TAFA1: variants seen among roughly 807,000 people sequenced by gnomAD.
TAFA1 encodes the protein TAFA chemokine like family member 1, also known as chemokine-like protein TAFA-1.
A neutral mutation model predicts 18.5 loss-of-function variants in TAFA1; 4 were observed. The observed-to-expected ratio is 0.22, with a 90% CI of 0.11 to 0.49. The LOEUF (loss-of-function observed/expected upper bound fraction) is 0.49, where lower values mean the gene tolerates loss of function less well. Among genes scored for constraint, TAFA1 ranks in the 20% least tolerant of loss-of-function variants. TAFA1 has a pLI of 0.98. For synonymous variants in TAFA1, 56 were observed against 55.2 expected, an observed-to-expected ratio of 1.01 and a Z score of -0.06; for missense variants, 147 against 169.0, an observed-to-expected ratio of 0.87 and a Z score of 0.72.
intron 2 of TAFA1, among the ~76,000 whole-genome samples, chr3:68,280,249 G>A (rs575456019): frequency 2.0e-4 from 30 of 152,240 alleles, no homozygotes; most frequent in African/African-American, 7.0e-4. Context: ...ACTGATACTG[G>A]ACTGAGACTA....
intron 3 of TAFA1, among the ~76,000 whole-genome samples, chr3:68,473,053 A>G (rs996326543): frequency 2.0e-5 from 3 of 152,208 alleles, no homozygotes; most frequent in African/African-American, 4.8e-5. Context: ...GGAGTCAATG[A>G]TCCCAGCTGC....
chr3:68,237,231 A>C (rs543349469), intron 2 of TAFA1, among the ~76,000 whole-genome samples: 1 of 152,252 alleles, frequency 6.6e-6, no homozygotes, highest in East Asian at 1.9e-4. Context: ...GTGTCTTCTC[A>C]ATGTGATCTC....
intron 2 of TAFA1, among the ~76,000 whole-genome samples, chr3:68,205,060 A>G (rs568737863): frequency 3.3e-5 from 5 of 151,986 alleles, no homozygotes; most frequent in African/African-American, 4.8e-5. Context: ...GGAATTCCAT[A>G]ACCCAGGTAA....
At chr3:68,298,496 G>A (rs2068250543) in intron 2 of TAFA1, among the ~76,000 whole-genome samples, 2 of 152,126 alleles carry the variant, frequency 1.3e-5, no homozygotes, top group Non-Finnish European at 2.9e-5. Context: ...ATCCATAAAA[G>A]GAGGGACAAA....
intron 2 of TAFA1, among the ~76,000 whole-genome samples, chr3:68,169,078 G>A (rs941363330): frequency 1.3e-5 from 2 of 151,996 alleles, no homozygotes; most frequent in Non-Finnish European, 2.9e-5. Flanking sequence ...TTAGCCTCCA[G>A]GATGTTCCCA....
intron 2 of TAFA1, among the ~76,000 whole-genome samples, chr3:68,118,950 A>G (rs1188766977): frequency 4.6e-5 from 7 of 152,070 alleles, no homozygotes; most frequent in Non-Finnish European, 8.8e-5. Flanking sequence ...GAATCACCAT[A>G]TTGTTTTCCA....
At chr3:68,479,241 A>AAAAAAAAATATATATAT (rs1353493315) in intron 3 of TAFA1, among the ~76,000 whole-genome samples, 1 of 123,666 alleles carries the variant, frequency 8.1e-6, no homozygotes, top group African/African-American at 3.6e-5. Context: ...AAAAAAAAAA[A>AAAAAAAAATATATATAT]ATATATATAT....
intron 2 of TAFA1, among the ~76,000 whole-genome samples, chr3:68,338,531 A>G (rs1243911262): frequency 1.3e-5 from 2 of 152,080 alleles, no homozygotes; most frequent in Admixed American, 6.5e-5. Context: ...ACCCTTTATA[A>G]TGAAGCATTT....
chr3:68,499,165 T>C (rs986949368), intron 3 of TAFA1, among the ~76,000 whole-genome samples: 1 of 152,178 alleles, frequency 6.6e-6, no homozygotes. Context: ...AGAATTTTCA[T>C]TTATACTAAA....
At chr3:68,028,069 G>A (rs1704853640) in intron 2 of TAFA1, among the ~76,000 whole-genome samples, 1 of 152,140 alleles carries the variant, frequency 6.6e-6, no homozygotes, top group Non-Finnish European at 1.5e-5. Context: ...GGAGGCTGAG[G>A]CGGGTGGACC....
Position 68,155,947 on chromosome 3 carries a change from A to T in TAFA1, c.118+149203A>T, listed in dbSNP as rs900309273. 2.0e-5 allele frequency among the ~76,000 whole-genome samples: 3 copies of T among 152,130 alleles called. No individual in the cohort carries two copies. The South Asian group carries it at 6.2e-4, about 31-fold the overall frequency. On this transcript the variant is annotated intron_variant, in intron 2 of 4. Coordinates refer to ENST00000478136, the MANE Select transcript of TAFA1 (RefSeq NM_213609.4). ...GCATAGCACCTGGCAGCAGTCAGGA[A>T]CACAACAGCGGTTGCAGGCAGGTGG...
chr3:68,418,465 A>G (rs62245814), intron 3 of TAFA1, among the ~76,000 whole-genome samples: 1 of 51,924 alleles, frequency 1.9e-5, no homozygotes, highest in African/African-American at 6.5e-5. Context: ...GTGGAATATC[A>G]TCAGTTAAGG....
At chr3:68,153,869 T>C (rs1465372564) in intron 2 of TAFA1, among the ~76,000 whole-genome samples, 1 of 152,174 alleles carries the variant, frequency 6.6e-6, no homozygotes, top group African/African-American at 2.4e-5. Flanking sequence ...TCAGTTTTTA[T>C]AATAAGAAAG....
chr3:68,305,663 G>A (rs566765261), intron 2 of TAFA1, among the ~76,000 whole-genome samples: 1 of 151,632 alleles, frequency 6.6e-6, no homozygotes, highest in South Asian at 2.1e-4. Flanking sequence ...GTGGGGTGGG[G>A]GTCAGGGGAT....
chr3:68,497,845 C>A (rs951173366), intron 3 of TAFA1, among the ~76,000 whole-genome samples: 8 of 152,046 alleles, frequency 5.3e-5, no homozygotes, highest in Admixed American at 5.2e-4. Context: ...TAGCTGTAGC[C>A]CAGGTGGAAG....
intron 2 of TAFA1, among the ~76,000 whole-genome samples, chr3:68,167,405 C>T (rs2065994709): frequency 6.6e-6 from 1 of 151,652 alleles, no homozygotes; most frequent in Non-Finnish European, 1.5e-5. Context: ...GTGAAACCCC[C>T]GTCTCTACTA....
intron 2 of TAFA1, among the ~76,000 whole-genome samples, chr3:68,361,336 G>A (rs2069464040): frequency 6.6e-6 from 1 of 152,042 alleles, no homozygotes; most frequent in Admixed American, 6.6e-5. Flanking sequence ...ATCAGAGGCT[G>A]AGAAAGGTGT....
At chr3:68,145,730 G>A (rs2065731359) in intron 2 of TAFA1, 2 of 677,928 alleles carry the variant, frequency 3.0e-6, no homozygotes, top group South Asian at 1.6e-5. Flanking sequence ...GATGGCTTAA[G>A]CACCTCAGCA....
intron 3 of TAFA1, among the ~76,000 whole-genome samples, chr3:68,454,120 G>A (rs1510352): frequency 0.73 from 111,091 of 152,126 alleles, 40,774 homozygotes; most frequent in African/African-American, 0.81. Flanking sequence ...ACTTCACAAT[G>A]TGAGAACCTA....
Sources: allele counts gnomAD v4.1 joint callset (sites outside exome capture counted in the v4.1 genomes callset), GRCh38; gene constraint gnomAD v4.1.1; transcripts MANE v1.5; gene names NCBI Gene and HGNC (gene_info 2026-07-23, HGNC 2026-07-21).